The following DNAH5 variants were observed in gnomAD, a reference collection of about 807,000 sequenced individuals.
The protein encoded by DNAH5 is dynein axonemal heavy chain 5.
A neutral mutation model predicts 518.2 loss-of-function variants in DNAH5; 372 were observed. The ratio of observed to expected loss-of-function variants is 0.72; its 90% confidence interval spans 0.66 to 0.78. DNAH5 has a LOEUF of 0.78. DNAH5 is among the 30% of genes least tolerant of loss of function. DNAH5 has a pLI of 0.00. For missense variants in DNAH5, 5,523 were observed against 5,687.0 expected (o/e 0.97, Z 0.93); for synonymous variants, 2,039 against 2,025.9 (o/e 1.01, Z -0.17).
chr5:13,747,803 A>G (rs973142210), intron 65 of DNAH5, among the ~76,000 whole-genome samples: 2 of 152,064 alleles, frequency 1.3e-5, no homozygotes, highest in African/African-American at 4.8e-5. Flanking sequence ...AGATGAGTAG[A>G]TTGCAAAAAT....
intron 75 of DNAH5, among the ~76,000 whole-genome samples, chr5:13,711,386 C>T (rs1743454196): frequency 6.6e-6 from 1 of 152,188 alleles, no homozygotes; most frequent in Non-Finnish European, 1.5e-5. Flanking sequence ...TAAAAGCCAT[C>T]TATGACAAAC....
At chr5:13,816,695 A>G (rs892157152) in intron 42 of DNAH5, among the ~76,000 whole-genome samples, 5 of 152,212 alleles carry the variant, frequency 3.3e-5, no homozygotes, top group African/African-American at 9.7e-5. Context: ...AATTTCTAAT[A>G]TGAGCACTTT....
intron 2 of DNAH5, 70 bp downstream of exon 2, chr5:13,931,040 C>A: frequency 6.2e-7 from 1 of 1,611,034 alleles, no homozygotes; most frequent in Non-Finnish European, 8.5e-7. Context: ...GGGATCCTGC[C>A]ACAGGACTGT....
intron 47 of DNAH5, among the ~76,000 whole-genome samples, chr5:13,801,584 T>G (rs1440704911): frequency 6.6e-6 from 1 of 152,144 alleles, no homozygotes; most frequent in South Asian, 2.1e-4. Context: ...CAGCCCAACC[T>G]CCCTCCTGAG....
rs190693015 is a variant in DNAH5 at position 13,919,459 on chromosome 5, T to C, written c.799-107A>G. The C allele has an allele frequency of 1.7e-4, 234 of 1,361,446 alleles. No individual in the cohort carries two copies. In the East Asian group the frequency reaches 2.6e-3, roughly 15 times the overall value. 84.3% of individuals were successfully genotyped at this position (1,361,446 alleles called of 1,614,324 possible). ...GAAATCAATTATCCTATCTGGATCA[T>C]GATATATGCGTATTCCATGCTTCCA... On this transcript the variant is annotated intron_variant, in intron 6 of 78. Transcript: ENST00000265104.
In DNAH5 at chr5:13,901,480, T is replaced by A; in HGVS notation, c.1824A>T (p.Thr608=). Residue 608 remains threonine (T), a synonymous_variant, in exon 14 of 79, where the codon ACA becomes ACT. Transcript: ENST00000265104. ...CCAGAGGAGGATCGTATTTCTGCTT[T>A]GTATACAGCTTTGAAATCATATCAA... ...ADIDMISKLY[T]KQKYDPPLAR... is the part of the protein sequence containing the mutation. 6.2e-7 allele frequency: 1 copy of A among 1,613,946 alleles called. No individual in the cohort carries two copies. Among genetic ancestry groups the A allele is most frequent in the South Asian group, 1.1e-5 (1 of 91,076 alleles).
chr5:13,944,938 C>T (rs889220692), upstream of DNAH5, among the ~76,000 whole-genome samples: 3 of 152,194 alleles, frequency 2.0e-5, no homozygotes, highest in Non-Finnish European at 2.9e-5. Context: ...TTGTCCATGT[C>T]GAGAAACTCA....
intron 1 of DNAH5, among the ~76,000 whole-genome samples, chr5:13,957,964 GTATATGTA>G (rs1235487745): frequency 5.3e-5 from 8 of 151,460 alleles, no homozygotes; most frequent in Admixed American, 2.0e-4. Context: ...ATACACACAT[GTATATGTA>G]TATATGTATA....
chr5:13,915,668 G>A lies in DNAH5; in HGVS notation c.1197+680C>T, dbSNP rs137904623. ...CAGGAAGAATTGTGCTTCCTACTGC[G>A]TTAGTATTCAGAACACGAGTCTTGA... On this transcript the variant is annotated intron_variant, in intron 9 of 78. Coordinates refer to ENST00000265104, the MANE Select transcript of DNAH5 (RefSeq NM_001369.3). 3.0e-3 allele frequency among the ~76,000 whole-genome samples: 449 copies of A among 152,042 alleles called. 1 individual carries two copies. Among genetic ancestry groups the A allele is most frequent in the African/African-American group, 0.01 (430 of 41,490 alleles).
intron 15 of DNAH5, chr5:13,898,144 C>T (rs980204264): frequency 2.6e-5 from 4 of 155,312 alleles, no homozygotes; most frequent in African/African-American, 9.6e-5. Context: ...TACCAATAAA[C>T]AACCTTTGTC....
intron 22 of DNAH5, among the ~76,000 whole-genome samples, chr5:13,874,516 G>C: frequency 6.6e-6 from 1 of 151,988 alleles, no homozygotes; most frequent in African/African-American, 2.4e-5. Context: ...CCAGCTCAAC[G>C]TTTCTATATT....
intron 42 of DNAH5, among the ~76,000 whole-genome samples, chr5:13,815,263 G>T (rs751442866): frequency 6.6e-6 from 1 of 152,136 alleles, no homozygotes; most frequent in Non-Finnish European, 1.5e-5. Context: ...TAGATAAGGT[G>T]GTCGATAAGA....
chr5:13,795,665 A>T (rs1013394963), intron 47 of DNAH5, among the ~76,000 whole-genome samples: 1 of 152,224 alleles, frequency 6.6e-6, no homozygotes, highest in South Asian at 2.1e-4. Context: ...ATTCCAATCA[A>T]TAGAAAAAGA....
chr5:13,729,664 C>T, intron 68 of DNAH5, 104 bp from the exon 69 acceptor site: 1 of 1,051,378 alleles, frequency 9.5e-7, no homozygotes, highest in Non-Finnish European at 1.4e-6. Flanking sequence ...TTACTACTTT[C>T]ACTTTTTTAA....
intron 59 of DNAH5, 43 bp downstream of exon 59, chr5:13,765,933 A>T: frequency 6.4e-7 from 1 of 1,566,064 alleles, no homozygotes; most frequent in Non-Finnish European, 8.8e-7. Context: ...TACACCAGTG[A>T]AGAATGAGTT....
rs202042110 is a variant in DNAH5 at position 13,901,282 on chromosome 5, C to G, written c.2022G>C (p.Glu674Asp). ...NRMAKVLLEF[E>D]VLFHRAWLRQ... is the part of the protein sequence containing the mutation. ...GAAGCCACGCCCTGTGGAAGAGGACCTCAAACTCCAGGAGGACCTTGGCCA... is the reference window on the plus strand; with the variant it reads ...GAAGCCACGCCCTGTGGAAGAGGACGTCAAACTCCAGGAGGACCTTGGCCA... Residue 674 changes from glutamate to aspartate, a missense_variant, in exon 14 of 79, where the codon GAG (glutamate) becomes GAC (aspartate). This residue lies in a region of DNAH5 where 5,121 missense variants were observed against 5,223.3 expected (regional missense o/e 0.98). Transcript: ENST00000265104. 1.1e-5 allele frequency: 18 copies of G among 1,614,044 alleles called. No homozygotes were observed. In the East Asian group the frequency reaches 3.6e-4, roughly 32 times the overall value.
chr5:13,767,078 A>G (rs1752605420), intron 58 of DNAH5, among the ~76,000 whole-genome samples: 1 of 152,182 alleles, frequency 6.6e-6, no homozygotes, highest in African/African-American at 2.4e-5. Context: ...GTAAATTAGG[A>G]ATGTAATTAC....
At chr5:13,982,283 T>G (rs1782729328) in intron 1 of DNAH5, among the ~76,000 whole-genome samples, 1 of 152,282 alleles carries the variant, frequency 6.6e-6, no homozygotes, top group Non-Finnish European at 1.5e-5. Context: ...TGTCTTTATT[T>G]TCTCTATTTG....
In DNAH5 at chr5:13,920,591, A is replaced by G. The variant is rs751174310; in HGVS notation, c.687T>C (p.Leu229=). 3 of 1,614,060 alleles carry G rather than the reference A, an allele frequency of 1.9e-6. No individual in the cohort carries two copies. The African/African-American group carries it at 4.0e-5, about 22-fold the overall frequency. ...EKVNLRKCDI[L]ELKTLKEPTD... is the part of the protein sequence containing the mutation. Reference sequence around the variant, plus strand: ...TAGGTTCCTTTAGGGTTTTCAGTTCAAGTATGTCACACTTTCGAAGGTTCA... The same window carrying G: ...TAGGTTCCTTTAGGGTTTTCAGTTCGAGTATGTCACACTTTCGAAGGTTCA... The change falls in exon 6 of 79, where the codon CTT becomes CTC. Residue 229 remains leucine, a synonymous_variant. Transcript: ENST00000265104.
Sources: allele counts gnomAD v4.1 joint callset (sites outside exome capture counted in the v4.1 genomes callset), GRCh38; gene constraint gnomAD v4.1.1; regional missense constraint gnomAD v4.1.1; transcripts MANE v1.5; gene names NCBI Gene and HGNC (gene_info 2026-07-23, HGNC 2026-07-21).